DPP10: variants seen among roughly 807,000 people sequenced by gnomAD.
DPP10 encodes the protein dipeptidyl peptidase like 10.
DPP10 carries 33 observed loss-of-function variants against 120.9 expected under a neutral mutation model. That is an observed-to-expected ratio of 0.27 (90% confidence interval 0.21 to 0.37). The LOEUF (loss-of-function observed/expected upper bound fraction) is 0.37, where lower values mean the gene tolerates loss of function less well. DPP10 is among the 10% of genes least tolerant of loss of function. The probability of loss-of-function intolerance (pLI) is 1.00; values close to 1 mark genes in which losing one functional copy is unlikely to be tolerated. For missense variants in DPP10, 816 were observed against 942.8 expected (o/e 0.87, Z 1.76); for synonymous variants, 337 against 326.1 (o/e 1.03, Z -0.36).
chr2:115,579,614 A>C (rs571236292), intron 5 of DPP10: 3 of 152,302 alleles, frequency 2.0e-5, no homozygotes, highest in African/African-American at 7.2e-5. Context: ...TTTTTCTTTT[A>C]AACCAGTATT....
intron 1 of DPP10, among the ~76,000 whole-genome samples, chr2:114,992,402 C>T (rs1353773782): frequency 1.3e-5 from 2 of 152,194 alleles, no homozygotes; most frequent in Non-Finnish European, 2.9e-5. Context: ...GATTGTCAGC[C>T]TCCAACAGAG....
intron 4 of DPP10, among the ~76,000 whole-genome samples, chr2:115,515,386 T>A (rs764591898): frequency 1.4e-4 from 22 of 152,014 alleles, no homozygotes; most frequent in Non-Finnish European, 3.1e-4. Context: ...TTTTAGTTAT[T>A]TTCAATTTGG....
chr2:115,476,619 A>C (rs2075100486), intron 3 of DPP10, among the ~76,000 whole-genome samples: 1 of 152,138 alleles, frequency 6.6e-6, no homozygotes, highest in South Asian at 2.1e-4. Flanking sequence ...AGCACCAAGG[A>C]TATGGCACTA....
intron 7 of DPP10, among the ~76,000 whole-genome samples, chr2:115,705,475 TC>T (rs376004353): frequency 6.6e-6 from 1 of 151,820 alleles, no homozygotes; most frequent in African/African-American, 2.4e-5. Context: ...GGCCTTAGAG[TC>T]CTATTATACC....
chr2:115,554,000 TTCAC>T (rs1220704520), intron 5 of DPP10, among the ~76,000 whole-genome samples: 14 of 55,138 alleles, frequency 2.5e-4, no homozygotes, highest in Middle Eastern at 0.011. Flanking sequence ...CTCTCTCTCT[TTCAC>T]ACACACACAC....
chr2:114,829,831 T>C (rs1479828670), intron 1 of DPP10, among the ~76,000 whole-genome samples: 1 of 152,208 alleles, frequency 6.6e-6, no homozygotes, highest in Non-Finnish European at 1.5e-5. Context: ...GTGACAGATC[T>C]TGAAAGCGTC....
intron 1 of DPP10, among the ~76,000 whole-genome samples, chr2:114,747,367 C>T (rs7578610): frequency 3.3e-5 from 5 of 151,904 alleles, no homozygotes; most frequent in Non-Finnish European, 5.9e-5. Flanking sequence ...ATTTAAGGGC[C>T]GTTGAAAGGA....
intron 1 of DPP10, among the ~76,000 whole-genome samples, chr2:114,491,029 G>A (rs1353707848): frequency 2.0e-5 from 3 of 152,114 alleles, no homozygotes; most frequent in Admixed American, 6.5e-5. Context: ...GCCCTGGCAA[G>A]CTCATACCTC....
rs571001158 is a variant in DPP10, at chr2:115,232,826, A to G, written c.61-76413A>G. On this transcript the variant is annotated intron_variant, in intron 1 of 25. Transcript: ENST00000410059. ...AGCTGCTGTTTATTCAGTAGTTAACATGTGCCAGCCTTGGTGCTAAGTGTT... is the reference window on the plus strand; with the variant it reads ...AGCTGCTGTTTATTCAGTAGTTAACGTGTGCCAGCCTTGGTGCTAAGTGTT... 9.8e-5 allele frequency among the ~76,000 whole-genome samples: 15 copies of G among 152,322 alleles called. No individual in the cohort carries two copies. The South Asian group carries it at 3.1e-3, about 32-fold the overall frequency.
At chr2:115,649,825 T>C (rs1052703895) in intron 5 of DPP10, among the ~76,000 whole-genome samples, 3 of 152,132 alleles carry the variant, frequency 2.0e-5, no homozygotes, top group African/African-American at 7.2e-5. Flanking sequence ...CCTCCTACTT[T>C]CTTTCCTTAT....
intron 3 of DPP10, chr2:115,468,507 C>A: frequency 4.6e-6 from 2 of 437,028 alleles, no homozygotes; most frequent in South Asian, 1.7e-5. Context: ...CACAGATTCT[C>A]CTCTGTGCTA....
At position 115,162,297 on chromosome 2, in the gene DPP10, A is replaced by G. The variant is rs906457980; in HGVS notation, c.61-146942A>G. 29 of 1,512,242 alleles carry G rather than the reference A, an allele frequency of 1.9e-5. No homozygotes were observed. The Admixed American group carries it at 4.0e-4, about 21-fold the overall frequency. The allele number at this position is 1,512,242 out of a possible 1,614,324, so 93.7% of individuals were successfully genotyped here. ...GGTAAAGGCTGAAGGTGCCCCGGGG[A>G]ACCCCGGCGGGCGGCCCACCGAGGG... is the stretch of plus-strand genomic sequence containing the variant. On this transcript the variant is annotated intron_variant, in intron 1 of 25. Coordinates refer to ENST00000410059, the MANE Select transcript of DPP10 (RefSeq NM_020868.6).
chr2:114,903,398 C>G (rs1693734504), intron 1 of DPP10, among the ~76,000 whole-genome samples: 1 of 152,142 alleles, frequency 6.6e-6, no homozygotes. Context: ...GCATTCCCAC[C>G]AGTAATGAAT....
At chr2:115,227,126 G>A (rs577982364) in intron 1 of DPP10, among the ~76,000 whole-genome samples, 8 of 152,074 alleles carry the variant, frequency 5.3e-5, no homozygotes, top group Admixed American at 6.6e-5. Context: ...AGATATTTGC[G>A]TGGGACCAAT....
intron 5 of DPP10, among the ~76,000 whole-genome samples, chr2:115,654,450 T>C (rs1208714878): frequency 6.6e-6 from 1 of 151,870 alleles, no homozygotes; most frequent in African/African-American, 2.4e-5. Context: ...TTTTTCCTAA[T>C]TATTATTCAG....
At chr2:114,572,086 T>C (rs1689702902) in intron 1 of DPP10, among the ~76,000 whole-genome samples, 1 of 151,476 alleles carries the variant, frequency 6.6e-6, no homozygotes, top group South Asian at 2.1e-4. Context: ...ACCACTACCA[T>C]CCAAATCTGT....
rs376053236 is a variant in DPP10, at chr2:115,566,736, G to C, written c.441+40764G>C. Among the ~76,000 whole-genome samples, 13 of 152,212 alleles carry C rather than the reference G, an allele frequency of 8.5e-5. No individual in the cohort carries two copies. In the East Asian group the frequency reaches 2.3e-3, roughly 27 times the overall value. On this transcript the variant is annotated intron_variant, in intron 5 of 25. Transcript: ENST00000410059. ...GAATTATATTAAGGCATCAGGAGCT[G>C]GTCTTAGGTATGCTCATTGCTACTG...
chr2:115,504,242 A>G (rs1055631792), intron 4 of DPP10, among the ~76,000 whole-genome samples: 1 of 147,326 alleles, frequency 6.8e-6, no homozygotes, highest in Non-Finnish European at 1.5e-5. Context: ...TTTTGTTCAG[A>G]TAAGTTAGTA....
At chr2:114,766,120 A>G (rs1343424354) in intron 1 of DPP10, among the ~76,000 whole-genome samples, 1 of 152,104 alleles carries the variant, frequency 6.6e-6, no homozygotes, top group East Asian at 1.9e-4. Context: ...TCAAAGAAAT[A>G]AAAGCTAAAA....
Sources: gnomAD v4.1 joint callset for allele counts (sites outside exome capture counted in the v4.1 genomes callset) on GRCh38, gnomAD v4.1.1 for gene constraint, MANE v1.5 for transcripts, NCBI Gene and HGNC (gene_info 2026-07-23, HGNC 2026-07-21) for gene names.